KCNIP1: variants seen among roughly 807,000 people sequenced by gnomAD.
KCNIP1 encodes potassium voltage-gated channel interacting protein 1.
A neutral mutation model predicts 33.0 loss-of-function variants in KCNIP1; 18 were observed. The observed-to-expected ratio is 0.55, with a 90% CI of 0.38 to 0.81. KCNIP1 has a LOEUF of 0.81. Ranked by LOEUF, KCNIP1 falls within the 30% of genes least tolerant of loss-of-function variation. The pLI, the probability that KCNIP1 is intolerant of heterozygous loss-of-function variation, is 0.00. For synonymous variants in KCNIP1, 93 were observed against 98.3 expected (o/e 0.95, Z 0.32); for missense variants, 238 against 271.6 (o/e 0.88, Z 0.87).
Position 170,679,723 on chromosome 5 carries a change from G to GT in KCNIP1, c.62-39025dup, listed in dbSNP as rs33955018. Among the ~76,000 whole-genome samples the GT allele has an allele frequency of 9.1e-3, 1,306 of 144,206 alleles. 7 individuals are homozygous for GT. Among genetic ancestry groups the GT allele is most frequent in the African/African-American group, 0.015 (589 of 39,220 alleles). 94.6% of individuals were successfully genotyped at this position (144,206 alleles called of 152,430 possible). A position where few individuals can be genotyped will look rare whatever the true frequency, so the allele number is the denominator to read the frequency against. Reference sequence around the variant, plus strand: ...ATAGTGGTACTAAACAACTTAGGGTGTTTTTTTTTTCATTTAATAGTATAT... The same window carrying GT: ...ATAGTGGTACTAAACAACTTAGGGTGTTTTTTTTTTTCATTTAATAGTATAT... On this transcript the variant is annotated intron_variant, in intron 1 of 7. Transcript: ENST00000328939.
intron 1 of KCNIP1, among the ~76,000 whole-genome samples, chr5:170,419,895 CAG>C (rs1454055702): frequency 6.6e-6 from 1 of 152,160 alleles, no homozygotes; most frequent in Admixed American, 6.5e-5. Flanking sequence ...AAATAAATGA[CAG>C]AGCTGCAGTT....
chr5:170,697,086 C>G (rs1762923455), intron 1 of KCNIP1, among the ~76,000 whole-genome samples: 1 of 151,936 alleles, frequency 6.6e-6, no homozygotes, highest in South Asian at 2.1e-4. Context: ...CTCGCTGTCT[C>G]ACACACACAT....
chr5:170,713,018 C>A, intron 1 of KCNIP1: 1 of 763,756 alleles, frequency 1.3e-6, no homozygotes, highest in Non-Finnish European at 2.3e-6. Flanking sequence ...ACAAGCCCCA[C>A]ATATATAGAA....
At chr5:170,540,080 C>G (rs1756140402) in intron 1 of KCNIP1, among the ~76,000 whole-genome samples, 1 of 151,882 alleles carries the variant, frequency 6.6e-6, no homozygotes, top group South Asian at 2.1e-4. Context: ...AGTGCACTTT[C>G]ACTGCCTGGG....
intron 1 of KCNIP1, among the ~76,000 whole-genome samples, chr5:170,390,517 A>AAAAATATAAATATATATATATAT: frequency 1.3e-5 from 1 of 74,546 alleles, no homozygotes; most frequent in Non-Finnish European, 2.5e-5. Context: ...AAAAAAAACA[A>AAAAATATAAATATATATATATAT]ATATATATAT....
At chr5:170,490,468 C>T (rs1757183238) in intron 1 of KCNIP1, among the ~76,000 whole-genome samples, 1 of 152,168 alleles carries the variant, frequency 6.6e-6, no homozygotes, top group Non-Finnish European at 1.5e-5. Flanking sequence ...CAGAACTACA[C>T]ACATACACAC....
rs368093062 is a variant in KCNIP1, at chr5:170,470,943, T to G, written c.88+116979T>G. On this transcript the variant is annotated intron_variant, in intron 1 of 7. Coordinates refer to the KCNIP1 transcript ENST00000377360. ...TGTGCCTGCAGATGGCACTTTCCATTTGGTGGAGGTCTGGGTTTCTGAAAC... is the reference window on the plus strand; with the variant it reads ...TGTGCCTGCAGATGGCACTTTCCATGTGGTGGAGGTCTGGGTTTCTGAAAC... Among the ~76,000 whole-genome samples the G allele has an allele frequency of 5.7e-4, 87 of 152,252 alleles. 2 individuals carry two copies. The South Asian group carries it at 0.017, about 29-fold the overall frequency.
intron 1 of KCNIP1, among the ~76,000 whole-genome samples, chr5:170,713,140 A>C (rs982205157): frequency 6.6e-6 from 1 of 152,240 alleles, no homozygotes; most frequent in African/African-American, 2.4e-5. Flanking sequence ...GCCCATTTGC[A>C]GCTCAAGTGT....
chr5:170,733,811 A>C (rs778974213), intron 6 of KCNIP1, 25 bp from the exon 7 acceptor site: 14 of 1,595,030 alleles, frequency 8.8e-6, no homozygotes, highest in Non-Finnish European at 1.1e-5. Context: ...AGATTCTGTA[A>C]AGTGCTTTCT....
At chr5:170,582,577 C>A (rs1047628716) in intron 1 of KCNIP1, among the ~76,000 whole-genome samples, 1 of 152,194 alleles carries the variant, frequency 6.6e-6, no homozygotes, top group African/African-American at 2.4e-5. Context: ...GCACATAGGT[C>A]ACCAATCTCA....
At chr5:170,639,052 C>A (rs1228020191) in intron 1 of KCNIP1, 1 of 152,256 alleles carries the variant, frequency 6.6e-6, no homozygotes, top group Non-Finnish European at 1.5e-5. Flanking sequence ...CCTGCAGCAG[C>A]CTTGCTCTAT....
chr5:170,506,318 G>A (rs1280428275), intron 1 of KCNIP1, among the ~76,000 whole-genome samples: 1 of 152,110 alleles, frequency 6.6e-6, no homozygotes, highest in East Asian at 1.9e-4. Context: ...CATGAAATTC[G>A]TATGCTACTT....
At chr5:170,679,538 T>C (rs571392239) in intron 1 of KCNIP1, among the ~76,000 whole-genome samples, 1 of 152,270 alleles carries the variant, frequency 6.6e-6, no homozygotes, top group African/African-American at 2.4e-5. Flanking sequence ...ACAGTCACCC[T>C]CTGAACCCAG....
chr5:170,520,509 G>A (rs922255209), intron 1 of KCNIP1, among the ~76,000 whole-genome samples: 3 of 152,158 alleles, frequency 2.0e-5, no homozygotes, highest in South Asian at 2.1e-4. Context: ...CTGGGGCCTC[G>A]CACATCATTG....
At chr5:170,630,365 G>T (rs73801101) in intron 1 of KCNIP1, among the ~76,000 whole-genome samples, 19 of 152,362 alleles carry the variant, frequency 1.2e-4, no homozygotes, top group African/African-American at 4.3e-4. Flanking sequence ...TGTTCCTACT[G>T]TGTGCCAGTG....
At position 170,732,924 on chromosome 5, in the gene KCNIP1, A is replaced by T; in HGVS notation, c.540+20A>T. On this transcript the variant is annotated intron_variant, in intron 6 of 7. Transcript: ENST00000328939. ...TTCCAGGTAAGTGCACACACCCTGC[A>T]CATGAGCTGTAAGCCCAGCCTAGAT... The T allele has an allele frequency of 1.3e-6, 2 of 1,490,198 alleles. No homozygotes were observed. Among genetic ancestry groups the T allele is most frequent in the Non-Finnish European group, 1.9e-6 (2 of 1,067,404 alleles). The allele number at this position is 1,490,198 out of a possible 1,614,324, so 92.3% of individuals were successfully genotyped here.
At chr5:170,663,483 G>T (rs1459290005) in intron 1 of KCNIP1, among the ~76,000 whole-genome samples, 1 of 152,124 alleles carries the variant, frequency 6.6e-6, no homozygotes, top group Non-Finnish European at 1.5e-5. Flanking sequence ...CGAATCCAGG[G>T]TTTCTCCTAC....
chr5:170,517,811 G>A (rs1755198125), intron 1 of KCNIP1, among the ~76,000 whole-genome samples: 1 of 143,628 alleles, frequency 7.0e-6, no homozygotes, highest in Non-Finnish European at 1.5e-5. Context: ...GATAGTGATG[G>A]TGGTGGTTAT....
chr5:170,513,176 G>T (rs145820413), intron 1 of KCNIP1, among the ~76,000 whole-genome samples: 1 of 152,282 alleles, frequency 6.6e-6, no homozygotes, highest in East Asian at 1.9e-4. Flanking sequence ...ACAGATTATG[G>T]AACTATGTGT....
Sources: gnomAD v4.1 joint callset for allele counts (sites outside exome capture counted in the v4.1 genomes callset) on GRCh38, gnomAD v4.1.1 for gene constraint, MANE v1.5 for transcripts, NCBI Gene and HGNC (gene_info 2026-07-23, HGNC 2026-07-21) for gene names.